The following SCFD2 variants were observed in gnomAD, a reference collection of about 807,000 sequenced individuals.
SCFD2 encodes sec1 family domain-containing protein 2.
A neutral mutation model predicts 58.9 loss-of-function variants in SCFD2; 54 were observed. The ratio of observed to expected loss-of-function variants is 0.92; its 90% CI spans 0.74 to 1.15. The LOEUF is 1.15. Among genes scored for constraint, SCFD2 ranks in the 50% most tolerant of loss-of-function variants. The pLI is 0.00. For synonymous variants in SCFD2, 321 were observed against 335.9 expected (o/e 0.96, Z 0.49); for missense variants, 805 against 836.6 (o/e 0.96, Z 0.47).
chr4:53,205,859 C>CAA (rs1048224823), intron 4 of SCFD2, among the ~76,000 whole-genome samples: 1 of 105,936 alleles, frequency 9.4e-6, no homozygotes, highest in Non-Finnish European at 2.0e-5. Flanking sequence ...GAGACTGTCT[C>CAA]AAAAAAAAAA....
intron 2 of SCFD2, among the ~76,000 whole-genome samples, chr4:53,330,063 C>T (rs890842698): frequency 1.3e-4 from 20 of 151,506 alleles, no homozygotes; most frequent in East Asian, 1.9e-4. Flanking sequence ...TAAAAAGAAA[C>T]AAACAAAGCC....
intron 4 of SCFD2, among the ~76,000 whole-genome samples, chr4:53,176,891 G>T (rs980517625): frequency 2.0e-5 from 3 of 147,496 alleles, no homozygotes; most frequent in Admixed American, 1.4e-4. Context: ...AAAGGTTGCA[G>T]TCAGCTGAGA....
At chr4:53,102,297 CA>C (rs1394103819) in intron 5 of SCFD2, among the ~76,000 whole-genome samples, 1 of 152,064 alleles carries the variant, frequency 6.6e-6, no homozygotes, top group African/African-American at 2.4e-5. Flanking sequence ...TAAAAGTATA[CA>C]AGTAATTTTT....
At chr4:53,184,532 T>C (rs1727683152) in intron 4 of SCFD2, among the ~76,000 whole-genome samples, 1 of 152,142 alleles carries the variant, frequency 6.6e-6, no homozygotes, top group Non-Finnish European at 1.5e-5. Flanking sequence ...TGGAGATTTT[T>C]ACATGAGAAA....
chr4:53,283,676 C>G (rs1731574124), intron 3 of SCFD2, among the ~76,000 whole-genome samples: 1 of 152,002 alleles, frequency 6.6e-6, no homozygotes. Flanking sequence ...TCAAGTGATT[C>G]TCATGGCTCA....
chr4:53,252,171 T>C (rs1246753515), intron 4 of SCFD2, among the ~76,000 whole-genome samples: 1 of 134,018 alleles, frequency 7.5e-6, no homozygotes, highest in Non-Finnish European at 1.6e-5. Flanking sequence ...GGAATCCAAC[T>C]TACAAGGGAC....
At chr4:53,096,979 C>A (rs973974754) in intron 5 of SCFD2, among the ~76,000 whole-genome samples, 25 of 152,260 alleles carry the variant, frequency 1.6e-4, no homozygotes, top group African/African-American at 5.5e-4. Flanking sequence ...GGAATCCTTT[C>A]CTCATTTCTT....
chr4:53,069,832 T>TA (rs1429510979), intron 5 of SCFD2, among the ~76,000 whole-genome samples: 16 of 152,054 alleles, frequency 1.1e-4, no homozygotes, highest in Non-Finnish European at 1.5e-4. Flanking sequence ...CCCTGACACT[T>TA]AAATATTTTA....
At chr4:53,084,971 T>C (rs1724262903) in intron 5 of SCFD2, among the ~76,000 whole-genome samples, 1 of 152,198 alleles carries the variant, frequency 6.6e-6, no homozygotes, top group Non-Finnish European at 1.5e-5. Flanking sequence ...CTCTAAGATC[T>C]GGAACACAAC....
rs566463623 is a variant in SCFD2 at position 53,003,154 on chromosome 4, A to G, written c.1562-82284T>C. 3.5e-3 allele frequency among the ~76,000 whole-genome samples: 530 copies of G among 152,294 alleles called. 2 individuals are homozygous for G. Among genetic ancestry groups the G allele is most frequent in the African/African-American group, 0.012 (504 of 41,560 alleles). The stretch of plus-strand genomic sequence containing the variant: ...TTGGGTGGGGACACAGATCCAAACC[A>G]GATCACCCATCTCTCTCTTTTCCCT... On this transcript the variant is annotated intron_variant, in intron 5 of 8. Coordinates refer to ENST00000401642, the MANE Select transcript of SCFD2 (RefSeq NM_152540.4).
At chr4:53,223,673 T>C (rs1171978918) in intron 4 of SCFD2, among the ~76,000 whole-genome samples, 1 of 152,256 alleles carries the variant, frequency 6.6e-6, no homozygotes, top group African/African-American at 2.4e-5. Flanking sequence ...GATGCAATTA[T>C]GACTTTTTAA....
At chr4:53,027,821 C>T (rs975934188) in intron 5 of SCFD2, among the ~76,000 whole-genome samples, 2 of 151,596 alleles carry the variant, frequency 1.3e-5, no homozygotes, top group African/African-American at 4.8e-5. Flanking sequence ...GAGTGAGACC[C>T]CATCTCTAAA....
intron 2 of SCFD2, among the ~76,000 whole-genome samples, chr4:53,342,598 C>G (rs1170932998): frequency 1.4e-4 from 21 of 152,140 alleles, no homozygotes; most frequent in Non-Finnish European, 2.9e-4. Context: ...CAGCTCTGCA[C>G]CAAGCAGACC....
At chr4:53,125,622 G>C (rs547487474) in intron 5 of SCFD2, among the ~76,000 whole-genome samples, 34 of 152,362 alleles carry the variant, frequency 2.2e-4, no homozygotes, top group Admixed American at 3.3e-4. Context: ...ACACATGCCT[G>C]ACGGCAGGGC....
At chr4:53,334,256 T>C (rs1448618531) in intron 2 of SCFD2, among the ~76,000 whole-genome samples, 1 of 152,036 alleles carries the variant, frequency 6.6e-6, no homozygotes, top group Non-Finnish European at 1.5e-5. Flanking sequence ...ACTGGGTATA[T>C]ACCCAAAGGA....
At chr4:53,237,911 C>G (rs1484488510) in intron 4 of SCFD2, among the ~76,000 whole-genome samples, 1 of 97,944 alleles carries the variant, frequency 1.0e-5, no homozygotes, top group Non-Finnish European at 2.1e-5. Context: ...GGGGGCTGAC[C>G]CCCCCACCTC....
At chr4:53,301,565 A>C (rs1205357961) in intron 3 of SCFD2, among the ~76,000 whole-genome samples, 3 of 152,318 alleles carry the variant, frequency 2.0e-5, no homozygotes, top group Non-Finnish European at 4.4e-5. Context: ...TATTCCAATC[A>C]ATAGAAAAAG....
intron 4 of SCFD2, among the ~76,000 whole-genome samples, chr4:53,176,526 T>G (rs1010454433): frequency 6.6e-6 from 1 of 152,200 alleles, no homozygotes; most frequent in African/African-American, 2.4e-5. Context: ...ACTATGAGCT[T>G]AGAGAAGGGA....
intron 1 of SCFD2, among the ~76,000 whole-genome samples, chr4:53,353,616 G>C (rs546463884): frequency 7.9e-5 from 12 of 152,290 alleles, no homozygotes; most frequent in African/African-American, 2.9e-4. Flanking sequence ...TTTTGACAGG[G>C]TGCTGATTGG....
Sources: gnomAD v4.1 joint callset for allele counts (sites outside exome capture counted in the v4.1 genomes callset) on GRCh38, gnomAD v4.1.1 for gene constraint, MANE v1.5 for transcripts, NCBI Gene and HGNC (gene_info 2026-07-23, HGNC 2026-07-21) for gene names.